The following TTC29 variants were observed in gnomAD, a reference collection of about 807,000 sequenced individuals.
TTC29 encodes tetratricopeptide repeat domain 29.
TTC29 carries 49 observed loss-of-function variants against 58.1 expected under a neutral mutation model. The observed-to-expected ratio is 0.84, with a 90% CI of 0.67 to 1.07. The LOEUF (loss-of-function observed/expected upper bound fraction) is 1.07, where lower values mean the gene tolerates loss of function less well. Among genes scored for constraint, TTC29 ranks in the 50% least tolerant of loss-of-function variants. TTC29 has a pLI of 0.00. For synonymous variants in TTC29, 209 were observed against 196.8 expected (o/e 1.06, Z -0.52); for missense variants, 582 against 555.6 (o/e 1.05, Z -0.48).
intron 11 of TTC29, among the ~76,000 whole-genome samples, chr4:146,795,282 A>G (rs534390599): frequency 7.2e-5 from 11 of 152,288 alleles, no homozygotes; most frequent in South Asian, 6.2e-4. Flanking sequence ...TTCCAGGAAG[A>G]TGAAAACACT....
At position 146,912,204 on chromosome 4, in the gene TTC29, C is replaced by T. The variant is rs532784181; in HGVS notation, c.177-2955G>A. 3.0e-4 allele frequency among the ~76,000 whole-genome samples: 46 copies of T among 152,256 alleles called. 1 individual carries two copies. Among genetic ancestry groups the T allele is most frequent in the Non-Finnish European group, 4.4e-4 (30 of 68,012 alleles). On this transcript the variant is annotated intron_variant, in intron 4 of 12. Coordinates refer to ENST00000325106, the MANE Select transcript of TTC29 (RefSeq NM_031956.4). The stretch of plus-strand genomic sequence containing the variant: ...GCCATCCTGGGCCGCATGTGGCCCA[C>T]GGGCACTGGGTTGGACAAGCTTGTT...
chr4:146,844,071 A>G (rs1729014540), intron 8 of TTC29, among the ~76,000 whole-genome samples: 1 of 152,226 alleles, frequency 6.6e-6, no homozygotes, highest in Admixed American at 6.5e-5. Flanking sequence ...ATTTGATGAA[A>G]ATCAAGATTA....
chr4:146,766,405 T>G (rs1747325261), intron 11 of TTC29, among the ~76,000 whole-genome samples: 1 of 152,124 alleles, frequency 6.6e-6, no homozygotes, highest in Non-Finnish European at 1.5e-5. Context: ...CAATTGGTAC[T>G]CTCAAATATA....
intron 11 of TTC29, among the ~76,000 whole-genome samples, chr4:146,755,457 T>C (rs1746368788): frequency 6.6e-6 from 1 of 152,116 alleles, no homozygotes; most frequent in African/African-American, 2.4e-5. Context: ...CATCACACTT[T>C]CTCGTTTAAA....
rs545861914 is a variant in TTC29, at chr4:146,765,938, G to A, written c.1330+37519C>T. ...CTGTTGTTCGGAATATATGGCCTCT[G>A]CCATAAACACATATGCAGGTCAGGT... On this transcript the variant is annotated intron_variant, in intron 11 of 12. Coordinates refer to ENST00000325106, the MANE Select transcript of TTC29 (RefSeq NM_031956.4). Among the ~76,000 whole-genome samples the A allele has an allele frequency of 4.6e-5, 7 of 152,198 alleles. No individual in the cohort carries two copies. The South Asian group carries it at 1.2e-3, about 27-fold the overall frequency.
At chr4:146,784,497 G>A (rs901130836) in intron 11 of TTC29, among the ~76,000 whole-genome samples, 4 of 152,078 alleles carry the variant, frequency 2.6e-5, no homozygotes, top group Admixed American at 6.6e-5. Flanking sequence ...ATATTAGGAG[G>A]TGGGGCCTTT....
intron 9 of TTC29, among the ~76,000 whole-genome samples, chr4:146,826,914 T>C (rs959952095): frequency 1.3e-5 from 2 of 151,956 alleles, no homozygotes; most frequent in African/African-American, 4.8e-5. Flanking sequence ...TTGTGTATGC[T>C]TCATGAAGTT....
At chr4:146,872,054 A>G (rs1730967877) in intron 7 of TTC29, among the ~76,000 whole-genome samples, 1 of 152,124 alleles carries the variant, frequency 6.6e-6, no homozygotes, top group African/African-American at 2.4e-5. Flanking sequence ...GTTAGACAAG[A>G]GAGATCAAGG....
intron 11 of TTC29, among the ~76,000 whole-genome samples, chr4:146,761,463 A>G (rs1452098951): frequency 6.6e-6 from 1 of 151,952 alleles, no homozygotes; most frequent in Non-Finnish European, 1.5e-5. Context: ...CTCTTTAGTA[A>G]TTGGTAATTT....
intron 1 of TTC29, chr4:146,945,290 A>C (rs1263863734): frequency 6.6e-6 from 1 of 152,214 alleles, no homozygotes; most frequent in Non-Finnish European, 1.5e-5. Flanking sequence ...ATGCCAAAAC[A>C]TCTGAAATAT....
chr4:146,928,825 G>T (rs1735114334), intron 4 of TTC29, among the ~76,000 whole-genome samples: 1 of 152,106 alleles, frequency 6.6e-6, no homozygotes, highest in Non-Finnish European at 1.5e-5. Context: ...GAGCACAACA[G>T]CCTTGAGTGA....
At chr4:146,868,012 C>T (rs900217952) in intron 7 of TTC29, among the ~76,000 whole-genome samples, 5 of 152,124 alleles carry the variant, frequency 3.3e-5, no homozygotes, top group African/African-American at 1.2e-4. Context: ...TAATGGATAA[C>T]AACCTTAAAT....
intron 6 of TTC29, among the ~76,000 whole-genome samples, chr4:146,893,357 A>G (rs1732518519): frequency 6.6e-6 from 1 of 152,206 alleles, no homozygotes; most frequent in African/African-American, 2.4e-5. Flanking sequence ...AACAGAACAG[A>G]GCCCTCAAAA....
At position 146,909,054 on chromosome 4, in the gene TTC29, C is replaced by T. The variant is rs1392265070; in HGVS notation, c.372G>A (p.Leu124=). The change falls in exon 5 of 13, where the codon CTG becomes CTA. Residue 124 remains leucine, a synonymous_variant. Transcript: ENST00000325106. Reference sequence around the variant, plus strand: ...TCCTCTCAGCGTCCTCAGCCCTGGTCAGGTAATGGTACAGGTAATCCAGTT... The same window carrying T: ...TCCTCTCAGCGTCCTCAGCCCTGGTTAGGTAATGGTACAGGTAATCCAGTT... The part of the protein sequence containing the change: ...PDKLDYLYHY[L]TRAEDAERKE... The T allele has an allele frequency of 6.2e-7, 1 of 1,613,884 alleles. No homozygotes were observed. The highest frequency in any genetic ancestry group is 2.2e-5 in the East Asian group (1 of 44,872).
chr4:146,867,685 G>T (rs1055323921), intron 7 of TTC29, 102 bp from the exon 8 acceptor site: 1 of 565,340 alleles, frequency 1.8e-6, no homozygotes, highest in Non-Finnish European at 2.9e-6. Flanking sequence ...ATTTTTAAAA[G>T]TATGCAGTTT....
rs373622118 is a variant in TTC29 at position 146,749,681 on chromosome 4, T to C, written c.1331-42130A>G. Among the ~76,000 whole-genome samples the C allele has an allele frequency of 4.6e-5, 7 of 152,248 alleles. No individual in the cohort carries two copies. The East Asian group carries it at 1.4e-3, about 29-fold the overall frequency. ...CTGGGAGAGATAAGGACATCCAGAT[T>C]GATGAAACTAAAAATGTTCTCAAGT... On this transcript the variant is annotated intron_variant, in intron 11 of 12. Coordinates refer to ENST00000325106, the MANE Select transcript of TTC29 (RefSeq NM_031956.4).
At chr4:146,860,561 A>G (rs1238269685) in intron 8 of TTC29, among the ~76,000 whole-genome samples, 1 of 152,134 alleles carries the variant, frequency 6.6e-6, no homozygotes, top group African/African-American at 2.4e-5. Flanking sequence ...GGCAGGCAGC[A>G]TATACAGCAT....
At chr4:146,835,887 A>G (rs992829996) in intron 8 of TTC29, among the ~76,000 whole-genome samples, 9 of 152,120 alleles carry the variant, frequency 5.9e-5, no homozygotes, top group Non-Finnish European at 1.3e-4. Context: ...GATGGCTCCT[A>G]TCCCACACCA....
At chr4:146,859,392 A>AT (rs1362170474) in intron 8 of TTC29, among the ~76,000 whole-genome samples, 2 of 151,608 alleles carry the variant, frequency 1.3e-5, no homozygotes, top group Admixed American at 6.6e-5. Flanking sequence ...TTTTATTTAC[A>AT]TTTTTTTCTT....
Sources: gnomAD v4.1 joint callset for allele counts (sites outside exome capture counted in the v4.1 genomes callset) on GRCh38, gnomAD v4.1.1 for gene constraint, MANE v1.5 for transcripts, NCBI Gene and HGNC (gene_info 2026-07-23, HGNC 2026-07-21) for gene names.